The following COL23A1 variants were observed in gnomAD, a reference collection of about 807,000 sequenced individuals.
The protein encoded by COL23A1 is collagen alpha-1(XXIII) chain.
In COL23A1, 97 loss-of-function variants were observed where a neutral mutation model predicts 99.3. That is an observed-to-expected ratio of 0.98 (90% CI 0.83 to 1.16). The LOEUF (loss-of-function observed/expected upper bound fraction) is 1.16. COL23A1 is among the 50% of genes most tolerant of loss of function. The pLI is 0.00. For synonymous variants in COL23A1, 320 were observed against 308.2 expected, an observed-to-expected ratio of 1.04 and a Z score of -0.40; for missense variants, 762 against 757.4, an observed-to-expected ratio of 1.01 and a Z score of -0.07.
chr5:178,243,989 C>CT (rs372565018), intron 25 of COL23A1, among the ~76,000 whole-genome samples: 1 of 151,904 alleles, frequency 6.6e-6, no homozygotes, highest in African/African-American at 2.4e-5. Context: ...AGGTAATGTT[C>CT]TTTTTTTTGA....
Position 178,247,785 on chromosome 5 carries a change from G to C in COL23A1, c.1259C>G (p.Pro420Arg), listed in dbSNP as rs1764786907. 2.5e-6 allele frequency: 4 copies of C among 1,610,582 alleles called. No individual in the cohort carries two copies. Among genetic ancestry groups the C allele is most frequent in the South Asian group, 1.1e-5 (1 of 90,594 alleles). The change falls in exon 21 of 29, where the codon CCA (proline) becomes CGA (arginine). Residue 420 changes from proline to arginine, a missense_variant. Transcript: ENST00000390654. ...GCAAACCGTCCTTACCATCGGGCCT[G>C]GGGGGCCAGGGGGGCCAGGGGGCCC... ...EPGPPGPPGP[P>R]GPMGLQGIQG...
intron 11 of COL23A1, among the ~76,000 whole-genome samples, chr5:178,260,899 C>T (rs1765590666): frequency 6.6e-6 from 1 of 152,148 alleles, no homozygotes; most frequent in African/African-American, 2.4e-5. Context: ...TCCATGACAC[C>T]ACAGTGGTGG....
intron 2 of COL23A1, among the ~76,000 whole-genome samples, chr5:178,424,399 C>G (rs1361134809): frequency 1.3e-5 from 2 of 152,228 alleles, no homozygotes; most frequent in South Asian, 4.1e-4. Context: ...GACGCACACA[C>G]GGAACAGCCA....
chr5:178,399,497 T>C (rs1251492296), intron 2 of COL23A1, among the ~76,000 whole-genome samples: 1 of 152,202 alleles, frequency 6.6e-6, no homozygotes, highest in African/African-American at 2.4e-5. Context: ...GCCACCTTGT[T>C]GAGCCGATTG....
intron 2 of COL23A1, among the ~76,000 whole-genome samples, chr5:178,538,918 T>C (rs1048819621): frequency 3.9e-5 from 6 of 152,178 alleles, no homozygotes; most frequent in East Asian, 3.8e-4. Flanking sequence ...TATGGATACA[T>C]AGTAGAGCAC....
intron 2 of COL23A1, among the ~76,000 whole-genome samples, chr5:178,401,630 G>A (rs1764453926): frequency 6.6e-6 from 1 of 152,216 alleles, no homozygotes. Flanking sequence ...TTTGCATACA[G>A]GTTTTTGTGT....
chr5:178,536,183 C>T (rs900015774), intron 2 of COL23A1, among the ~76,000 whole-genome samples: 5 of 152,248 alleles, frequency 3.3e-5, no homozygotes, highest in African/African-American at 9.6e-5. Context: ...ACAAGGTTGT[C>T]GTCACCCTCG....
At chr5:178,304,284 G>A (rs138201936) in intron 3 of COL23A1, among the ~76,000 whole-genome samples, 3 of 152,238 alleles carry the variant, frequency 2.0e-5, no homozygotes, top group South Asian at 2.1e-4. Flanking sequence ...CAAGGCGGGC[G>A]GATCACTTGA....
intron 2 of COL23A1, among the ~76,000 whole-genome samples, chr5:178,457,470 C>T (rs12516264): frequency 0.44 from 67,015 of 152,086 alleles, 15,880 homozygotes; most frequent in Admixed American, 0.58. Context: ...CCATCTCGGC[C>T]TCCCAAAGTG....
rs192999499 is a variant in COL23A1, at chr5:178,387,283, C to T, written c.362-80364G>A. Among the ~76,000 whole-genome samples the T allele has an allele frequency of 3.4e-3, 517 of 152,268 alleles. 3 individuals carry two copies. The highest frequency in any genetic ancestry group is 5.4e-3 in the Non-Finnish European group (364 of 68,020). ...ATCACCCCTTATGCCTGGGCCCAGACTCCCCACTTCTCTTCCTCGTCTCCT... is the reference window on the plus strand; with the variant it reads ...ATCACCCCTTATGCCTGGGCCCAGATTCCCCACTTCTCTTCCTCGTCTCCT... On this transcript the variant is annotated intron_variant, in intron 2 of 28. Transcript: ENST00000390654. This position sits in a 1 kb window ranked among gnomAD's most constrained non-coding sequence, Gnocchi z 4.7.
In COL23A1 at chr5:178,387,776, T is replaced by C. The variant is rs1763750661; in HGVS notation, c.362-80857A>G. Among the ~76,000 whole-genome samples the C allele has an allele frequency of 1.3e-5, 2 of 151,848 alleles. No homozygotes were observed. Among genetic ancestry groups the C allele is most frequent in the South Asian group, 2.1e-4 (1 of 4,832 alleles). Reference sequence around the variant, plus strand: ...TCCCTACAGACAGTGTGGGCCATTTTCCCCCGCGCTGTGCTTGCGGAGTTT... The same window carrying C: ...TCCCTACAGACAGTGTGGGCCATTTCCCCCCGCGCTGTGCTTGCGGAGTTT... On this transcript the variant is annotated intron_variant, in intron 2 of 28. Coordinates refer to ENST00000390654, the MANE Select transcript of COL23A1 (RefSeq NM_173465.4). This position sits in a 1 kb window ranked among gnomAD's most constrained non-coding sequence, Gnocchi z 4.7.
chr5:178,573,460 C>T (rs2113669219), intron 1 of COL23A1, among the ~76,000 whole-genome samples: 1 of 152,298 alleles, frequency 6.6e-6, no homozygotes, highest in South Asian at 2.1e-4. Context: ...TCAGTGACTC[C>T]CATTGGCACA....
At chr5:178,276,283 G>A (rs961576329) in intron 5 of COL23A1, among the ~76,000 whole-genome samples, 9 of 151,980 alleles carry the variant, frequency 5.9e-5, no homozygotes, top group Non-Finnish European at 1.2e-4. Flanking sequence ...AAATAAACTG[G>A]CCGCGTTTAG....
At chr5:178,583,295 G>A (rs569839188) in intron 1 of COL23A1, among the ~76,000 whole-genome samples, 1 of 152,218 alleles carries the variant, frequency 6.6e-6, no homozygotes, top group South Asian at 2.1e-4. Flanking sequence ...CCACTGAGGT[G>A]GAATTTCTCT....
At chr5:178,559,370 G>A (rs935508784) in intron 2 of COL23A1, among the ~76,000 whole-genome samples, 2 of 152,196 alleles carry the variant, frequency 1.3e-5, no homozygotes, top group Admixed American at 1.3e-4. Context: ...CGCAGCTCCT[G>A]TCTTCTCTGG....
In COL23A1 at chr5:178,255,230, C is replaced by T. The variant is rs1430226652; in HGVS notation, c.883-204G>A. On this transcript the variant is annotated intron_variant, in intron 15 of 28. Transcript: ENST00000390654. This position sits in a 1 kb window ranked among gnomAD's most constrained non-coding sequence, Gnocchi z 4.2. Reference sequence around the variant, plus strand: ...GCTGAGAGACCTGTTTCCACCTGGTCTGAGGGGCGGCTGTAATTGCCCTCA... The same window carrying T: ...GCTGAGAGACCTGTTTCCACCTGGTTTGAGGGGCGGCTGTAATTGCCCTCA... Among the ~76,000 whole-genome samples, 1 of 152,044 alleles carries T rather than the reference C, an allele frequency of 6.6e-6. No homozygotes were observed. Among genetic ancestry groups the T allele is most frequent in the Non-Finnish European group, 1.5e-5 (1 of 68,010 alleles).
At chr5:178,386,219 G>A (rs1220635704) in intron 2 of COL23A1, among the ~76,000 whole-genome samples, 3 of 152,184 alleles carry the variant, frequency 2.0e-5, no homozygotes, top group Non-Finnish European at 4.4e-5. Flanking sequence ...CGGGTGGATT[G>A]TCTGAGCTCA....
At chr5:178,382,262 G>A (rs1330231182) in intron 2 of COL23A1, among the ~76,000 whole-genome samples, 6 of 152,186 alleles carry the variant, frequency 3.9e-5, no homozygotes, top group African/African-American at 4.8e-5. Context: ...CACCCACATT[G>A]CCTGGAGGGA....
intron 2 of COL23A1, among the ~76,000 whole-genome samples, chr5:178,409,741 T>C (rs1026065831): frequency 6.6e-6 from 1 of 152,142 alleles, no homozygotes; most frequent in African/African-American, 2.4e-5. Flanking sequence ...AACTCAGAAA[T>C]GGATCCAAAT....
Sources: allele counts gnomAD v4.1 joint callset (sites outside exome capture counted in the v4.1 genomes callset), GRCh38; gene constraint gnomAD v4.1.1; non-coding constraint Gnocchi (gnomAD v3.1); transcripts MANE v1.5; gene names NCBI Gene and HGNC (gene_info 2026-07-23, HGNC 2026-07-21).